CTNNBL1: variants seen among roughly 807,000 people sequenced by gnomAD.
The protein encoded by CTNNBL1 is catenin beta like 1.
Under a neutral mutation model 72.7 loss-of-function variants are expected in CTNNBL1, and 31 were observed. The ratio of observed to expected loss-of-function variants is 0.43; its 90% CI spans 0.32 to 0.58. The LOEUF (loss-of-function observed/expected upper bound fraction) is 0.58. CTNNBL1 is among the 20% of genes least tolerant of loss of function. The pLI is 0.08. For missense variants in CTNNBL1, 534 were observed against 725.1 expected (o/e 0.74, Z 3.03); for synonymous variants, 240 against 267.3 (o/e 0.90, Z 1.00).
intron 15 of CTNNBL1, among the ~76,000 whole-genome samples, chr20:37,863,196 G>A (rs914285892): frequency 1.3e-5 from 2 of 152,144 alleles, no homozygotes; most frequent in African/African-American, 2.4e-5. Context: ...GGTGTCACAC[G>A]GCAGCTGCCC....
At chr20:37,831,774 G>T (rs1449679449) in intron 11 of CTNNBL1, among the ~76,000 whole-genome samples, 1 of 152,084 alleles carries the variant, frequency 6.6e-6, no homozygotes. Flanking sequence ...GCACATAGTT[G>T]GTACTCAGAA....
At chr20:37,763,048 A>C (rs943607081) in intron 5 of CTNNBL1, among the ~76,000 whole-genome samples, 2 of 152,238 alleles carry the variant, frequency 1.3e-5, no homozygotes, top group African/African-American at 4.8e-5. Flanking sequence ...TAATGCAGGT[A>C]AAGCGGCAAT....
intron 1 of CTNNBL1, among the ~76,000 whole-genome samples, chr20:37,696,184 A>T (rs1453767190): frequency 6.6e-6 from 1 of 152,184 alleles, no homozygotes; most frequent in Admixed American, 6.5e-5. Context: ...AAAAGACAAG[A>T]TTCTTGCTTT....
intron 1 of CTNNBL1, among the ~76,000 whole-genome samples, chr20:37,722,747 T>G (rs2073051891): frequency 6.6e-6 from 1 of 152,194 alleles, no homozygotes; most frequent in South Asian, 2.1e-4. Flanking sequence ...ATGTGGCTCT[T>G]AAGTGATTTA....
intron 11 of CTNNBL1, among the ~76,000 whole-genome samples, chr20:37,809,767 A>C (rs985889666): frequency 1.3e-5 from 2 of 152,208 alleles, no homozygotes; most frequent in African/African-American, 4.8e-5. Flanking sequence ...AGATGGCAAA[A>C]CAACTTGATG....
chr20:37,723,396 C>A (rs2073058392), intron 1 of CTNNBL1, among the ~76,000 whole-genome samples: 2 of 152,138 alleles, frequency 1.3e-5, no homozygotes, highest in South Asian at 4.1e-4. Flanking sequence ...CCATATTCTC[C>A]AGTAATTACT....
chr20:37,843,316 G>A (rs1209589838), intron 13 of CTNNBL1, among the ~76,000 whole-genome samples: 2 of 152,148 alleles, frequency 1.3e-5, no homozygotes, highest in Admixed American at 6.5e-5. Flanking sequence ...ATACACTTGA[G>A]GCTTTTGAAC....
At chr20:37,731,921 A>G (rs2073132383) in intron 1 of CTNNBL1, among the ~76,000 whole-genome samples, 1 of 152,232 alleles carries the variant, frequency 6.6e-6, no homozygotes, top group African/African-American at 2.4e-5. Flanking sequence ...TCTGTTGGTT[A>G]CATACCCAAA....
chr20:37,775,022 A>G (rs535683723), intron 7 of CTNNBL1, among the ~76,000 whole-genome samples: 1 of 152,232 alleles, frequency 6.6e-6, no homozygotes, highest in African/African-American at 2.4e-5. Context: ...TCCCATTGTC[A>G]GCTTACAGCA....
intron 1 of CTNNBL1, 29 bp from the exon 2 acceptor site, chr20:37,732,846 CAGCT>C: frequency 6.2e-7 from 1 of 1,601,770 alleles, no homozygotes; most frequent in Non-Finnish European, 8.5e-7. Flanking sequence ...ATGTTGTATC[CAGCT>C]CTAAAATCTT....
At chr20:37,790,020 C>T (rs1013352436) in intron 10 of CTNNBL1, among the ~76,000 whole-genome samples, 4 of 152,200 alleles carry the variant, frequency 2.6e-5, no homozygotes, top group African/African-American at 9.7e-5. Context: ...TACACAGCCA[C>T]ATCTGTTCCA....
At chr20:37,735,392 C>T (rs959734076) in intron 2 of CTNNBL1, among the ~76,000 whole-genome samples, 5 of 152,130 alleles carry the variant, frequency 3.3e-5, no homozygotes, top group Admixed American at 6.5e-5. Flanking sequence ...CAGATCCTTA[C>T]GTAGATCATG....
At chr20:37,743,909 T>C (rs2073239834) in intron 3 of CTNNBL1, among the ~76,000 whole-genome samples, 1 of 151,820 alleles carries the variant, frequency 6.6e-6, no homozygotes. Flanking sequence ...TTGCTCAGGA[T>C]ACATGTAAAA....
At chr20:37,806,624 C>G in intron 11 of CTNNBL1, among the ~76,000 whole-genome samples, 1 of 152,132 alleles carries the variant, frequency 6.6e-6, no homozygotes, top group East Asian at 1.9e-4. Flanking sequence ...GTAACACATT[C>G]CATGTTCACT....
chr20:37,759,979 T>C (rs1292344774), intron 5 of CTNNBL1, among the ~76,000 whole-genome samples: 1 of 152,242 alleles, frequency 6.6e-6, no homozygotes. Flanking sequence ...TTTGCAGTTA[T>C]TGCTTTGGTC....
At position 37,852,285 on chromosome 20, in the gene CTNNBL1, C is replaced by T. The variant is rs182866745; in HGVS notation, c.1393-7614C>T. Reference sequence around the variant, plus strand: ...TAAGGAAGTTACTGGATTCTTGGAACGTCCCTTAAATCTCTGTTCATCATA... The same window carrying T: ...TAAGGAAGTTACTGGATTCTTGGAATGTCCCTTAAATCTCTGTTCATCATA... On this transcript the variant is annotated intron_variant, in intron 13 of 15. Coordinates refer to ENST00000361383, the MANE Select transcript of CTNNBL1 (RefSeq NM_030877.5). Among the ~76,000 whole-genome samples, 74 of 152,350 alleles carry T rather than the reference C, an allele frequency of 4.9e-4. 1 individual carries two copies. The highest frequency in any genetic ancestry group is 4.4e-3 in the Admixed American group (67 of 15,308).
chr20:37,850,846 T>C (rs968080353), intron 13 of CTNNBL1, among the ~76,000 whole-genome samples: 3 of 152,220 alleles, frequency 2.0e-5, no homozygotes, highest in Admixed American at 6.5e-5. Flanking sequence ...TCCCGTGTTA[T>C]TAAGGCAAGA....
At position 37,772,343 on chromosome 20, in the gene CTNNBL1, C is replaced by T. The variant is rs1421634372; in HGVS notation, c.750+4299C>T. Among the ~76,000 whole-genome samples, 5 of 151,998 alleles carry T rather than the reference C, an allele frequency of 3.3e-5. No homozygotes were observed. The East Asian group carries it at 9.7e-4, about 29-fold the overall frequency. ...GGAGCCTGGTAGTCTGTGTTTGTTG[C>T]TGTTGTTGTTGTTTTTGTTGTTTTT... On this transcript the variant is annotated intron_variant, in intron 7 of 15. Coordinates refer to ENST00000361383, the MANE Select transcript of CTNNBL1 (RefSeq NM_030877.5).
intron 15 of CTNNBL1, among the ~76,000 whole-genome samples, chr20:37,869,481 T>TCTCTG (rs1196930729): frequency 6.6e-6 from 1 of 152,208 alleles, no homozygotes; most frequent in East Asian, 1.9e-4. Context: ...AGGAGATCCT[T>TCTCTG]CAGCACGACA....
Sources: gnomAD v4.1 joint callset for allele counts (sites outside exome capture counted in the v4.1 genomes callset) on GRCh38, gnomAD v4.1.1 for gene constraint, MANE v1.5 for transcripts, NCBI Gene and HGNC (gene_info 2026-07-23, HGNC 2026-07-21) for gene names.